Variants in CUBN observed in about 807,000 individuals in gnomAD.
CUBN encodes cubilin.
In CUBN, 282 loss-of-function variants were observed where a neutral mutation model predicts 405.3. The observed-to-expected ratio is 0.70, with a 90% CI of 0.63 to 0.77. The LOEUF is 0.77. Ranked by LOEUF, CUBN falls within the 30% of genes least tolerant of loss-of-function variation. The pLI is 0.00. For synonymous variants in CUBN, 1,684 were observed against 1,617.0 expected (o/e 1.04, Z -0.99); for missense variants, 4,514 against 4,475.2 (o/e 1.01, Z -0.25).
intron 6 of CUBN, among the ~76,000 whole-genome samples, chr10:17,118,915 T>G (rs948417425): frequency 6.6e-6 from 1 of 152,228 alleles, no homozygotes; most frequent in South Asian, 2.1e-4. Flanking sequence ...GTTACTGATA[T>G]AGCAGAAGTG....
At chr10:16,890,588 C>CTTAGGT in intron 54 of CUBN, 61 bp from the exon 55 acceptor site, 1 of 1,568,314 alleles carries the variant, frequency 6.4e-7, no homozygotes. Flanking sequence ...TTTTAATGCA[C>CTTAGGT]TTAGGTTTCA....
At chr10:16,875,280 T>C (rs1731030349) in intron 57 of CUBN, among the ~76,000 whole-genome samples, 1 of 152,160 alleles carries the variant, frequency 6.6e-6, no homozygotes. Context: ...ATAAAGTGAT[T>C]ATTTTTGCTT....
chr10:17,075,675 G>A (rs1312046489), intron 17 of CUBN, among the ~76,000 whole-genome samples: 1 of 152,134 alleles, frequency 6.6e-6, no homozygotes, highest in African/African-American at 2.4e-5. Context: ...GATAGAGTCT[G>A]ACACAGACAT....
At chr10:17,116,615 G>A (rs988646479) in intron 6 of CUBN, among the ~76,000 whole-genome samples, 1 of 152,240 alleles carries the variant, frequency 6.6e-6, no homozygotes, top group Admixed American at 6.5e-5. Context: ...ATTTTAACAA[G>A]ACACAGTGAG....
chr10:17,124,650 G>T (rs530952493), intron 4 of CUBN, among the ~76,000 whole-genome samples: 2 of 151,754 alleles, frequency 1.3e-5, no homozygotes, highest in Non-Finnish European at 2.9e-5. Context: ...GGATGGTCTC[G>T]ATCTCCTGAC....
chr10:16,957,923 G>A (rs1159364245), intron 31 of CUBN, among the ~76,000 whole-genome samples: 2 of 149,568 alleles, frequency 1.3e-5, no homozygotes, highest in African/African-American at 2.4e-5. Context: ...AAAACTCTAA[G>A]ATTTTGCAAG....
At chr10:17,030,383 CCA>C (rs1834763564) in intron 27 of CUBN, among the ~76,000 whole-genome samples, 1 of 144,218 alleles carries the variant, frequency 6.9e-6, no homozygotes, top group Non-Finnish European at 1.5e-5. Flanking sequence ...AAAAAATAAT[CCA>C]TGAGACTATG....
rs143863191 is a variant in CUBN at position 17,088,809 on chromosome 10, T to C, written c.1766-464A>G. ...TTGAGAAGGTTTCTTAATACTATCA[T>C]ATAGTTAAAACATTCATTTAATAAA... On this transcript the variant is annotated intron_variant, in intron 14 of 66. Coordinates refer to ENST00000377833, the MANE Select transcript of CUBN (RefSeq NM_001081.4). 2.1e-3 allele frequency among the ~76,000 whole-genome samples: 324 copies of C among 152,364 alleles called. 2 individuals are homozygous for C. The highest frequency in any genetic ancestry group is 7.4e-3 in the African/African-American group (307 of 41,590).
At chr10:16,858,881 A>G (rs1241575329) in intron 59 of CUBN, among the ~76,000 whole-genome samples, 1 of 152,270 alleles carries the variant, frequency 6.6e-6, no homozygotes, top group Non-Finnish European at 1.5e-5. Flanking sequence ...AAGGAAGGAC[A>G]GCCTTTTCAA....
At chr10:17,079,524 C>A (rs1364804308) in intron 17 of CUBN, among the ~76,000 whole-genome samples, 1 of 152,086 alleles carries the variant, frequency 6.6e-6, no homozygotes, top group Non-Finnish European at 1.5e-5. Context: ...CAGGCATGAG[C>A]CACCATGCCT....
At chr10:16,997,978 A>C (rs1235915243) in intron 28 of CUBN, among the ~76,000 whole-genome samples, 1 of 152,176 alleles carries the variant, frequency 6.6e-6, no homozygotes, top group Non-Finnish European at 1.5e-5. Flanking sequence ...TCTGTGAGGA[A>C]GGGGACACAA....
chr10:16,841,122 AGTT>A, intron 60 of CUBN, 75 bp from the exon 61 acceptor site: 1 of 1,295,300 alleles, frequency 7.7e-7, no homozygotes, highest in Non-Finnish European at 1.1e-6. Context: ...TTGGACGCGA[AGTT>A]GCAATAGGTC....
chr10:16,858,281 T>A (rs1195420901), intron 59 of CUBN, among the ~76,000 whole-genome samples: 1 of 152,192 alleles, frequency 6.6e-6, no homozygotes, highest in Non-Finnish European at 1.5e-5. Context: ...CAGCAAGGTT[T>A]TTCTGCAAAC....
intron 8 of CUBN, among the ~76,000 whole-genome samples, chr10:17,112,688 A>G (rs13377051): frequency 0.074 from 11,311 of 151,928 alleles, 882 homozygotes; most frequent in African/African-American, 0.2. Context: ...CCAGTTTTAC[A>G]AGATCTAAAT....
In CUBN at chr10:16,908,907, G is replaced by A. The variant is rs372426681; in HGVS notation, c.7534-1228C>T. Among the ~76,000 whole-genome samples the A allele has an allele frequency of 3.8e-4, 48 of 126,850 alleles. No homozygotes were observed. In the East Asian group the frequency reaches 8.5e-3, roughly 22 times the overall value. The allele number at this position is 126,850 out of a possible 152,430, so 83.2% of individuals were successfully genotyped here. A position where few individuals can be genotyped will look rare whatever the true frequency, so the allele number is the denominator to read the frequency against. ...TTTTTTTTTTTTGAGACGGAGTCTC[G>A]CTCTGTCGCCCAGGCGGGACTGCGG... On this transcript the variant is annotated intron_variant, in intron 48 of 66. Coordinates refer to ENST00000377833, the MANE Select transcript of CUBN (RefSeq NM_001081.4).
chr10:17,052,594 TAAA>T (rs112713293), intron 22 of CUBN, among the ~76,000 whole-genome samples: 1 of 150,184 alleles, frequency 6.7e-6, no homozygotes, highest in Admixed American at 6.6e-5. Context: ...CTGTCTCTAC[TAAA>T]AAAAATACAA....
In CUBN at chr10:16,874,506, G is replaced by A. The variant is rs1176041713; in HGVS notation, c.9107-3C>T. On this transcript the variant is annotated splice_region_variant and splice_polypyrimidine_tract_variant and intron_variant, in intron 57 of 66. Coordinates refer to ENST00000377833, the MANE Select transcript of CUBN (RefSeq NM_001081.4). ...GAAATTGAACACACCACCACAGGCT[G>A]CAACAGAAGACAAGGGAATATGAAG... The A allele has an allele frequency of 1.2e-6, 2 of 1,614,128 alleles. No homozygotes were observed. The highest frequency in any genetic ancestry group is 1.7e-6 in the Non-Finnish European group (2 of 1,179,998).
chr10:16,848,027 T>A (rs115148465), intron 60 of CUBN, among the ~76,000 whole-genome samples: 1 of 152,186 alleles, frequency 6.6e-6, no homozygotes, highest in Non-Finnish European at 1.5e-5. Flanking sequence ...ACGTTGCCAA[T>A]GGAAGGAAAT....
At chr10:16,947,765 C>A (rs1842826587) in intron 35 of CUBN, among the ~76,000 whole-genome samples, 1 of 152,228 alleles carries the variant, frequency 6.6e-6, no homozygotes, top group Non-Finnish European at 1.5e-5. Context: ...ACACACCAAT[C>A]TTCTAGGTGT....
Sources: allele counts gnomAD v4.1 joint callset (sites outside exome capture counted in the v4.1 genomes callset), GRCh38; gene constraint gnomAD v4.1.1; transcripts MANE v1.5; gene names NCBI Gene and HGNC (gene_info 2026-07-23, HGNC 2026-07-21).